Variants in LDAH observed in about 807,000 individuals in gnomAD.
The protein encoded by LDAH is lipid droplet associated hydrolase, also known as lipid droplet-associated hydrolase.
LDAH carries 26 observed loss-of-function variants against 29.6 expected under a neutral mutation model. That is an observed-to-expected ratio of 0.88 (90% CI 0.64 to 1.22). The LOEUF (loss-of-function observed/expected upper bound fraction) is 1.22. Ranked by LOEUF, LDAH falls within the 50% of genes most tolerant of loss-of-function variation. The pLI is 0.00. For synonymous variants in LDAH, 117 were observed against 133.0 expected (o/e 0.88, Z 0.83); for missense variants, 344 against 387.3 (o/e 0.89, Z 0.94).
At chr2:20,792,601 C>T (rs922406384) in intron 2 of LDAH, among the ~76,000 whole-genome samples, 4 of 152,050 alleles carry the variant, frequency 2.6e-5, no homozygotes, top group Admixed American at 6.6e-5. Context: ...TTAGAAATAA[C>T]GAATGGATAG....
intron 4 of LDAH, among the ~76,000 whole-genome samples, chr2:20,750,333 C>T (rs1667888454): frequency 6.6e-6 from 1 of 152,148 alleles, no homozygotes; most frequent in South Asian, 2.1e-4. Flanking sequence ...GGCTGCCTTA[C>T]TAAACTTCTG....
chr2:20,775,280 T>A (rs530876920), intron 3 of LDAH, among the ~76,000 whole-genome samples: 47 of 152,222 alleles, frequency 3.1e-4, no homozygotes, highest in Non-Finnish European at 6.0e-4. Context: ...CTCCAAATCC[T>A]CAAAGTCCAT....
chr2:20,758,921 G>A (rs1668499895), intron 4 of LDAH, among the ~76,000 whole-genome samples: 1 of 152,184 alleles, frequency 6.6e-6, no homozygotes, highest in Non-Finnish European at 1.5e-5. Context: ...AACCCTCCTG[G>A]TACCCAGATA....
chr2:20,736,517 G>A (rs372025718), intron 5 of LDAH, among the ~76,000 whole-genome samples: 1 of 152,026 alleles, frequency 6.6e-6, no homozygotes, highest in African/African-American at 2.4e-5. Context: ...TGACTGTAGG[G>A]GACCAAAATA....
At position 20,775,929 on chromosome 2, in the gene LDAH, T is replaced by C. The variant is rs556982103; in HGVS notation, c.299-950A>G. On this transcript the variant is annotated intron_variant, in intron 3 of 6. Coordinates refer to ENST00000237822, the MANE Select transcript of LDAH (RefSeq NM_021925.4). ...TGTGACTAGTACACAGCAAATGTTA[T>C]GGCTGAATGAAAACTGGAACTGACT... Among the ~76,000 whole-genome samples the C allele has an allele frequency of 9.2e-5, 14 of 152,278 alleles. No homozygotes were observed. The South Asian group carries it at 2.7e-3, about 29-fold the overall frequency.
At chr2:20,705,997 T>C (rs1284778784) in intron 5 of LDAH, among the ~76,000 whole-genome samples, 2 of 152,208 alleles carry the variant, frequency 1.3e-5, no homozygotes, top group African/African-American at 4.8e-5. Context: ...TAGATGTGCC[T>C]CTTGAACACC....
At chr2:20,806,316 C>A (rs544116060) in intron 1 of LDAH, among the ~76,000 whole-genome samples, 3 of 152,216 alleles carry the variant, frequency 2.0e-5, no homozygotes, top group South Asian at 2.1e-4. Flanking sequence ...TAAATGTGGA[C>A]CATTCTGTGG....
At chr2:20,707,116 C>T (rs746144244) in intron 5 of LDAH, among the ~76,000 whole-genome samples, 1 of 152,194 alleles carries the variant, frequency 6.6e-6, no homozygotes, top group Admixed American at 6.5e-5. Context: ...AAAACTCTCA[C>T]ACAACAAGCC....
chr2:20,716,375 C>T (rs1173404065), intron 5 of LDAH, among the ~76,000 whole-genome samples: 1 of 152,066 alleles, frequency 6.6e-6, no homozygotes, highest in Non-Finnish European at 1.5e-5. Context: ...GGCACATCTA[C>T]ACCATGGAAT....
chr2:20,757,180 T>C (rs748971836), intron 4 of LDAH, among the ~76,000 whole-genome samples: 2 of 152,220 alleles, frequency 1.3e-5, no homozygotes, highest in Non-Finnish European at 2.9e-5. Context: ...GTAGCTTTTC[T>C]TTGTTATTTG....
rs368901737 is a variant in LDAH, at chr2:20,736,236, G to T, written c.703+3735C>A. 2.6e-5 allele frequency among the ~76,000 whole-genome samples: 4 copies of T among 152,132 alleles called. No individual in the cohort carries two copies. In the East Asian group the frequency reaches 5.8e-4, roughly 22 times the overall value. ...GCAGGTGGATCACCTGAGGTTAGGA[G>T]GTTGAGACCAGCCTGGCCAATATGG... On this transcript the variant is annotated intron_variant, in intron 5 of 6. Transcript: ENST00000237822.
chr2:20,816,923 T>C (rs1672892483), intron 1 of LDAH, among the ~76,000 whole-genome samples: 1 of 151,966 alleles, frequency 6.6e-6, no homozygotes, highest in African/African-American at 2.4e-5. Flanking sequence ...AACAGGTAAA[T>C]CACCAAACAC....
At chr2:20,758,792 G>C (rs1668490171) in intron 4 of LDAH, among the ~76,000 whole-genome samples, 1 of 152,098 alleles carries the variant, frequency 6.6e-6, no homozygotes, top group South Asian at 2.1e-4. Flanking sequence ...AAGGCACATA[G>C]ATAGGAAAAT....
chr2:20,755,996 C>T (rs189229318), intron 4 of LDAH, among the ~76,000 whole-genome samples: 88 of 152,282 alleles, frequency 5.8e-4, no homozygotes, highest in African/African-American at 2.1e-3. Flanking sequence ...AACCCACTCC[C>T]ATACAAAACC....
At chr2:20,703,099 T>TACA (rs1213274817) in intron 5 of LDAH, among the ~76,000 whole-genome samples, 6 of 152,228 alleles carry the variant, frequency 3.9e-5, no homozygotes, top group African/African-American at 1.2e-4. Context: ...GTGCTGGGAT[T>TACA]ACAGGCATGA....
intron 5 of LDAH, among the ~76,000 whole-genome samples, chr2:20,738,523 G>C (rs1666963134): frequency 6.6e-6 from 1 of 151,844 alleles, no homozygotes; most frequent in Non-Finnish European, 1.5e-5. Context: ...ATTCTTTCTT[G>C]CGCGAGATCC....
intron 4 of LDAH, among the ~76,000 whole-genome samples, chr2:20,754,383 C>T (rs1400407645): frequency 4.7e-5 from 7 of 150,020 alleles, no homozygotes; most frequent in South Asian, 2.1e-4. Flanking sequence ...CCCAGCTACT[C>T]GGGAGGCTGA....
At chr2:20,782,295 T>G (rs1016428841) in intron 3 of LDAH, among the ~76,000 whole-genome samples, 2 of 152,208 alleles carry the variant, frequency 1.3e-5, no homozygotes, top group African/African-American at 2.4e-5. Context: ...TCAAGGGTGA[T>G]CCTCTGAGTC....
At chr2:20,687,338 A>T (rs929952538) in intron 6 of LDAH, among the ~76,000 whole-genome samples, 1 of 152,244 alleles carries the variant, frequency 6.6e-6, no homozygotes, top group Non-Finnish European at 1.5e-5. Flanking sequence ...TAGATCACTC[A>T]TAATTCACTG....
Sources: allele counts gnomAD v4.1 joint callset (sites outside exome capture counted in the v4.1 genomes callset), GRCh38; gene constraint gnomAD v4.1.1; transcripts MANE v1.5; gene names NCBI Gene and HGNC (gene_info 2026-07-23, HGNC 2026-07-21).